The following GPC3 variants were observed in gnomAD, a reference collection of about 807,000 sequenced individuals.
The protein encoded by GPC3 is glypican 3, also known as glypican-3.
GPC3 carries 3 observed loss-of-function variants against 34.4 expected under a neutral mutation model. The ratio of observed to expected loss-of-function variants is 0.09; its 90% CI spans 0.04 to 0.23. The LOEUF (loss-of-function observed/expected upper bound fraction) is 0.23. GPC3 is among the 10% of genes least tolerant of loss of function. The pLI, the probability that GPC3 is intolerant of heterozygous loss-of-function variation, is 1.00. For missense variants in GPC3, 351 were observed against 445.6 expected (o/e 0.79, Z 1.91); for synonymous variants, 177 against 174.0 (o/e 1.02, Z -0.13).
intron 3 of GPC3, among the ~76,000 whole-genome samples, chrX:133,736,139 T>C (rs73563291): frequency 0.053 from 5,916 of 111,174 alleles, 423 homozygotes; most frequent in African/African-American, 0.18. Context: ...CCCAACATCA[T>C]TAATCATAAG....
At chrX:133,597,712 G>A (rs1225301186) in intron 6 of GPC3, among the ~76,000 whole-genome samples, 1 of 112,096 alleles carries the variant, frequency 8.9e-6, no homozygotes, top group Non-Finnish European at 1.9e-5. Context: ...ACAGAGAAAT[G>A]TGATTCTGCA....
intron 6 of GPC3, among the ~76,000 whole-genome samples, chrX:133,645,869 A>G (rs2070538407): frequency 2.7e-5 from 3 of 110,715 alleles, no homozygotes; most frequent in African/African-American, 9.9e-5. Flanking sequence ...AAAGTGAGGA[A>G]TTGTGGGGAG....
At chrX:133,724,304 G>T (rs994059889) in intron 3 of GPC3, among the ~76,000 whole-genome samples, 2 of 112,071 alleles carry the variant, frequency 1.8e-5, no homozygotes, top group African/African-American at 6.5e-5. Context: ...TTACTTAGAA[G>T]CTATGGTCTT....
At chrX:133,646,151 T>C (rs1203609695) in intron 6 of GPC3, among the ~76,000 whole-genome samples, 1 of 109,943 alleles carries the variant, frequency 9.1e-6, no homozygotes, top group East Asian at 2.9e-4. Context: ...TTGATTTTTC[T>C]AGTTCCTGTG....
intron 2 of GPC3, among the ~76,000 whole-genome samples, chrX:133,796,014 T>C (rs7892531): frequency 0.011 from 1,109 of 104,760 alleles, 21 homozygotes; most frequent in African/African-American, 0.036. Flanking sequence ...GGCGCAATCT[T>C]GGCTCACTGC....
chrX:133,839,922 C>T (rs375483267), intron 2 of GPC3, among the ~76,000 whole-genome samples: 13 of 76,945 alleles, frequency 1.7e-4, no homozygotes, highest in Admixed American at 2.9e-4. Context: ...AGCGAGACTC[C>T]GTTTCAAAAA....
intron 2 of GPC3, among the ~76,000 whole-genome samples, chrX:133,892,771 C>T (rs1250826297): frequency 9.1e-6 from 1 of 110,468 alleles, no homozygotes; most frequent in African/African-American, 3.3e-5. Flanking sequence ...GGAAGGTGAA[C>T]AGGCAGTGTC....
intron 7 of GPC3, among the ~76,000 whole-genome samples, chrX:133,593,059 C>T (rs760613285): frequency 9.0e-6 from 1 of 111,232 alleles, no homozygotes; most frequent in Admixed American, 9.5e-5. Context: ...GCACTGGGGG[C>T]TCATGCCTGT....
rs761512039 is a variant in GPC3 at position 133,969,221 on chromosome X, A to C, written c.176-16010T>G. Among the ~76,000 whole-genome samples the C allele has an allele frequency of 1.8e-4, 20 of 111,551 alleles. No individual in the cohort carries two copies. The South Asian group carries it at 7.6e-3, about 42-fold the overall frequency. On this transcript the variant is annotated intron_variant, in intron 1 of 7. Coordinates refer to ENST00000370818, the MANE Select transcript of GPC3 (RefSeq NM_004484.4). ...TAGATTTTTAGGGTCTTTACTATAA[A>C]GAGAGCAACCTGCATGCCTGAAATA...
At chrX:133,562,182 G>A (rs192228958) in intron 7 of GPC3, among the ~76,000 whole-genome samples, 76 of 111,622 alleles carry the variant, frequency 6.8e-4, no homozygotes, top group African/African-American at 2.4e-3. Flanking sequence ...AAAAATGTTT[G>A]GGTACCTTGG....
intron 2 of GPC3, among the ~76,000 whole-genome samples, chrX:133,849,741 T>C (rs2075863817): frequency 1.8e-5 from 2 of 111,360 alleles, no homozygotes; most frequent in Admixed American, 1.9e-4. Flanking sequence ...CTGTAATCTC[T>C]ACCAAGCCTA....
At chrX:133,817,361 CAGG>C (rs747652162) in intron 2 of GPC3, among the ~76,000 whole-genome samples, 1 of 112,244 alleles carries the variant, frequency 8.9e-6, no homozygotes, top group Non-Finnish European at 1.9e-5. Flanking sequence ...GAAAAATTGG[CAGG>C]AGTTCTTCAA....
intron 2 of GPC3, among the ~76,000 whole-genome samples, chrX:133,803,139 G>A (rs761780146): frequency 7.2e-5 from 8 of 110,791 alleles, no homozygotes; most frequent in East Asian, 5.7e-4. Flanking sequence ...GTTGGTCAGG[G>A]TGGTCTTGAA....
intron 1 of GPC3, among the ~76,000 whole-genome samples, chrX:133,984,761 GTCC>G (rs1396172289): frequency 1.9e-5 from 2 of 107,606 alleles, no homozygotes; most frequent in Non-Finnish European, 3.8e-5. Context: ...TCAGAAATCT[GTCC>G]TCAACTTTGC....
Position 133,841,215 on chromosome X carries a change from ATTTTTTT to A in GPC3, c.338-87046_338-87040del, listed in dbSNP as rs769696321. On this transcript the variant is annotated intron_variant, in intron 2 of 7. Transcript: ENST00000370818. Reference sequence around the variant, plus strand: ...ACCACCATGCCTGGCTAATCTTTTAATTTTTTTTTTTTTTTTTTTTTTTGGTAGAGAT... The same window carrying A: ...ACCACCATGCCTGGCTAATCTTTTAATTTTTTTTTTTTTTTTGGTAGAGAT... 1.1e-3 allele frequency among the ~76,000 whole-genome samples: 45 copies of A among 39,248 alleles called. 2 individuals are homozygous for A. The highest frequency in any genetic ancestry group is 9.3e-3 in the East Asian group (13 of 1,400). 34.1% of individuals were successfully genotyped at this position (39,248 alleles called of 115,157 possible).
At chrX:133,878,243 C>T (rs1288109822) in intron 2 of GPC3, among the ~76,000 whole-genome samples, 3 of 110,706 alleles carry the variant, frequency 2.7e-5, no homozygotes, top group African/African-American at 6.6e-5. Context: ...GCCTGGCCAA[C>T]GTGGTGAAAC....
rs192253447 is a variant in GPC3 at position 133,808,070 on chromosome X, C to T, written c.338-53894G>A. On this transcript the variant is annotated intron_variant, in intron 2 of 7. Coordinates refer to ENST00000370818, the MANE Select transcript of GPC3 (RefSeq NM_004484.4). ...CAACATCAGAATAAACATAAGACAA[C>T]GCTGTTAACAATACTGGCCAAATGC... Among the ~76,000 whole-genome samples the T allele has an allele frequency of 2.9e-4, 33 of 112,514 alleles. No homozygotes were observed. The East Asian group carries it at 3.9e-3, about 13-fold the overall frequency.
At position 133,692,430 on chromosome X, in the gene GPC3, T is replaced by C; in HGVS notation, c.1231A>G (p.Ser411Gly). The C allele has an allele frequency of 8.3e-7, 1 of 1,206,755 alleles. No homozygotes were observed. The highest frequency in any genetic ancestry group is 1.1e-6 in the Non-Finnish European group (1 of 890,437). The change falls in exon 5 of 8, where the codon AGC becomes GGC. Residue 411 changes from serine (S) to glycine (G), a missense_variant. Coordinates refer to ENST00000370818, the MANE Select transcript of GPC3 (RefSeq NM_004484.4). ...FYSALPGYICSHSPVAENDTL... is the reference protein window; with the variant it reads ...FYSALPGYICGHSPVAENDTL... ...TCGTTTTCCGCCACAGGGCTATGGCTGCAGATGTAGCCAGGCAAAGCACTA... is the reference window on the plus strand; with the variant it reads ...TCGTTTTCCGCCACAGGGCTATGGCCGCAGATGTAGCCAGGCAAAGCACTA...
intron 2 of GPC3, among the ~76,000 whole-genome samples, chrX:133,781,072 C>T (rs1419490999): frequency 9.0e-6 from 1 of 111,717 alleles, no homozygotes; most frequent in Non-Finnish European, 1.9e-5. Context: ...TCCCCCATTA[C>T]ACCCTTGCAT....
Sources: gnomAD v4.1 joint callset for allele counts (sites outside exome capture counted in the v4.1 genomes callset) on GRCh38, gnomAD v4.1.1 for gene constraint, MANE v1.5 for transcripts, NCBI Gene and HGNC (gene_info 2026-07-23, HGNC 2026-07-21) for gene names.